Variants in RSRC1 observed in about 807,000 individuals in gnomAD.
RSRC1 encodes serine/Arginine-related protein 53.
RSRC1 carries 39 observed loss-of-function variants against 49.1 expected under a neutral mutation model. The ratio of observed to expected loss-of-function variants is 0.79; its 90% confidence interval spans 0.61 to 1.04. The LOEUF is 1.04. Among genes scored for constraint, RSRC1 ranks in the 50% least tolerant of loss-of-function variants. The pLI is 0.00. For synonymous variants in RSRC1, 143 were observed against 130.8 expected (o/e 1.09, Z -0.63); for missense variants, 388 against 402.4 (o/e 0.96, Z 0.31).
intron 7 of RSRC1, among the ~76,000 whole-genome samples, chr3:158,463,006 A>G (rs940183248): frequency 5.3e-5 from 8 of 152,010 alleles, no homozygotes; most frequent in African/African-American, 1.9e-4. Flanking sequence ...CATAGTAGAA[A>G]CTCAGTTTCT....
chr3:158,484,367 T>C (rs2108439801), intron 7 of RSRC1, among the ~76,000 whole-genome samples: 1 of 152,234 alleles, frequency 6.6e-6, no homozygotes, highest in Middle Eastern at 3.4e-3. Context: ...GCAGAAAGAA[T>C]AAATGAGTAC....
At chr3:158,194,265 C>A (rs1177422325) in intron 3 of RSRC1, among the ~76,000 whole-genome samples, 3 of 147,674 alleles carry the variant, frequency 2.0e-5, no homozygotes, top group South Asian at 2.1e-4. Context: ...CAGAGTTAGA[C>A]CCTATCTCAA....
chr3:158,464,494 A>T (rs1737777489), intron 7 of RSRC1, among the ~76,000 whole-genome samples: 1 of 152,180 alleles, frequency 6.6e-6, no homozygotes, highest in Non-Finnish European at 1.5e-5. Context: ...TTTCTAAATT[A>T]TTCATGGGAA....
At chr3:158,523,400 T>A (rs1711817093) in intron 7 of RSRC1, among the ~76,000 whole-genome samples, 1 of 151,982 alleles carries the variant, frequency 6.6e-6, no homozygotes. Context: ...CTGTATAAAA[T>A]TACAGTAATC....
intron 5 of RSRC1, chr3:158,303,481 T>C (rs1014494511): frequency 3.3e-5 from 5 of 152,186 alleles, no homozygotes; most frequent in African/African-American, 1.2e-4. Flanking sequence ...AATGTACATA[T>C]GAGTCACCTG....
chr3:158,241,673 T>C (rs941365878), intron 4 of RSRC1, among the ~76,000 whole-genome samples: 2 of 152,050 alleles, frequency 1.3e-5, no homozygotes, highest in Non-Finnish European at 2.9e-5. Flanking sequence ...TCATTTGCAA[T>C]AAAAGATTTA....
chr3:158,324,135 A>G lies in RSRC1; in HGVS notation c.531+26060A>G, dbSNP rs570013035. On this transcript the variant is annotated intron_variant, in intron 5 of 9. Transcript: ENST00000611884. ...CAGTATATCAATATAGCAAAATTCA[A>G]TTATTTCTCTATTGTTAGGAACTTA... Among the ~76,000 whole-genome samples, 8 of 152,284 alleles carry G rather than the reference A, an allele frequency of 5.3e-5. No individual in the cohort carries two copies. The East Asian group carries it at 1.5e-3, about 29-fold the overall frequency.
intron 6 of RSRC1, among the ~76,000 whole-genome samples, chr3:158,412,115 G>A (rs1338546941): frequency 5.3e-5 from 8 of 151,910 alleles, no homozygotes; most frequent in South Asian, 4.2e-4. Flanking sequence ...TTTCCAATTC[G>A]CCTAAAGACA....
intron 6 of RSRC1, among the ~76,000 whole-genome samples, chr3:158,364,717 G>T (rs3845981): frequency 0.43 from 64,966 of 151,302 alleles, 14,803 homozygotes; most frequent in South Asian, 0.6. Flanking sequence ...TCAAGTCAGG[G>T]GGCTTGGGTG....
chr3:158,503,380 G>T (rs1323666308), intron 7 of RSRC1, among the ~76,000 whole-genome samples: 1 of 152,152 alleles, frequency 6.6e-6, no homozygotes, highest in East Asian at 1.9e-4. Flanking sequence ...CTGGGAGGTG[G>T]CACTTTCCAG....
At chr3:158,419,115 AG>A (rs1183317782) in intron 6 of RSRC1, among the ~76,000 whole-genome samples, 1 of 152,002 alleles carries the variant, frequency 6.6e-6, no homozygotes, top group Non-Finnish European at 1.5e-5. Context: ...TGTTATTACA[AG>A]TATATTTAAA....
At chr3:158,416,415 C>A (rs565390608) in intron 6 of RSRC1, among the ~76,000 whole-genome samples, 37 of 152,170 alleles carry the variant, frequency 2.4e-4, no homozygotes, top group Middle Eastern at 3.4e-3. Context: ...CTGGCAGCTT[C>A]CACTTCTTGT....
At chr3:158,447,562 T>C (rs550941256) in intron 6 of RSRC1, among the ~76,000 whole-genome samples, 74 of 152,100 alleles carry the variant, frequency 4.9e-4, no homozygotes, top group African/African-American at 1.7e-3. Flanking sequence ...AGAACTGTTA[T>C]AACTCTTGAC....
At chr3:158,159,597 T>C (rs1718091880) in intron 3 of RSRC1, among the ~76,000 whole-genome samples, 3 of 152,144 alleles carry the variant, frequency 2.0e-5, no homozygotes, top group African/African-American at 7.2e-5. Context: ...TGCAGGGAGA[T>C]GAGTAGTAGA....
chr3:158,324,966 A>C (rs922037376), intron 5 of RSRC1, among the ~76,000 whole-genome samples: 3 of 152,102 alleles, frequency 2.0e-5, no homozygotes. Flanking sequence ...TTTGATTTGC[A>C]TTTCTCTGAT....
At chr3:158,330,996 CA>C (rs1729510798) in intron 5 of RSRC1, among the ~76,000 whole-genome samples, 1 of 152,040 alleles carries the variant, frequency 6.6e-6, no homozygotes, top group Non-Finnish European at 1.5e-5. Flanking sequence ...CACATGGCAG[CA>C]GACGATACAG....
intron 7 of RSRC1, among the ~76,000 whole-genome samples, chr3:158,527,327 C>G (rs929107309): frequency 1.4e-4 from 21 of 151,904 alleles, no homozygotes; most frequent in African/African-American, 5.1e-4. Flanking sequence ...CAAACAGAGG[C>G]AAAGACATTA....
intron 7 of RSRC1, among the ~76,000 whole-genome samples, chr3:158,505,857 A>G (rs897295691): frequency 2.0e-5 from 3 of 152,132 alleles, no homozygotes; most frequent in Non-Finnish European, 2.9e-5. Context: ...TTCTTCAAAT[A>G]ATTGAAAACT....
intron 1 of RSRC1, among the ~76,000 whole-genome samples, chr3:158,119,841 T>TTC (rs1472695381): frequency 6.7e-6 from 1 of 148,204 alleles, no homozygotes; most frequent in African/African-American, 2.5e-5. Context: ...TCTTTTTTTT[T>TTC]TTTTTTTGAG....
Sources: allele counts gnomAD v4.1 joint callset (sites outside exome capture counted in the v4.1 genomes callset), GRCh38; gene constraint gnomAD v4.1.1; transcripts MANE v1.5; gene names NCBI Gene and HGNC (gene_info 2026-07-23, HGNC 2026-07-21).